Variants in GABRG3 observed in about 807,000 individuals in gnomAD.
GABRG3 encodes gamma-aminobutyric acid receptor subunit gamma-3.
A neutral mutation model predicts 48.8 loss-of-function variants in GABRG3; 25 were observed. The observed-to-expected ratio is 0.51, with a 90% CI of 0.37 to 0.72. The LOEUF is 0.72. Among genes scored for constraint, GABRG3 ranks in the 30% least tolerant of loss-of-function variants. The probability of loss-of-function intolerance (pLI) is 0.00; values close to 1 mark genes in which losing one functional copy is unlikely to be tolerated. For missense variants in GABRG3, 394 were observed against 577.9 expected (o/e 0.68, Z 3.26); for synonymous variants, 227 against 217.6 (o/e 1.04, Z -0.38).
chr15:27,466,152 A>G (rs143987668), intron 5 of GABRG3, among the ~76,000 whole-genome samples: 42 of 152,330 alleles, frequency 2.8e-4, no homozygotes, highest in African/African-American at 9.9e-4. Context: ...GAAGAAATTT[A>G]AAGAAGAGTC....
chr15:27,034,794 C>G (rs1000557038), intron 3 of GABRG3, among the ~76,000 whole-genome samples: 1 of 152,222 alleles, frequency 6.6e-6, no homozygotes, highest in Non-Finnish European at 1.5e-5. Context: ...CAGTCCTTAT[C>G]TCCCTCTGCC....
chr15:27,153,637 C>G (rs553762002), intron 3 of GABRG3, among the ~76,000 whole-genome samples: 1 of 152,204 alleles, frequency 6.6e-6, no homozygotes, highest in South Asian at 2.1e-4. Flanking sequence ...TTTAGATCTT[C>G]TTTGATTTCT....
intron 3 of GABRG3, among the ~76,000 whole-genome samples, chr15:27,092,757 A>G (rs755003599): frequency 1.3e-5 from 2 of 152,200 alleles, no homozygotes; most frequent in Admixed American, 6.5e-5. Context: ...GACCTTTGAG[A>G]TGACTTGCTC....
At chr15:27,243,067 G>A (rs1318622423) in intron 3 of GABRG3, among the ~76,000 whole-genome samples, 4 of 152,176 alleles carry the variant, frequency 2.6e-5, no homozygotes, top group South Asian at 2.1e-4. Flanking sequence ...ACGACCCGTA[G>A]CGTTTTGATC....
At chr15:27,427,289 A>G (rs552326156) in intron 5 of GABRG3, among the ~76,000 whole-genome samples, 1 of 152,320 alleles carries the variant, frequency 6.6e-6, no homozygotes, top group South Asian at 2.1e-4. Flanking sequence ...AATTTGAGGT[A>G]TATATTTTCC....
intron 3 of GABRG3, among the ~76,000 whole-genome samples, chr15:27,200,735 G>A (rs1047592699): frequency 1.3e-5 from 2 of 152,148 alleles, no homozygotes; most frequent in African/African-American, 4.8e-5. Context: ...TGCAATGATG[G>A]GTATGGTGAT....
At chr15:27,152,861 A>ATTTT (rs1187163963) in intron 3 of GABRG3, among the ~76,000 whole-genome samples, 3 of 139,022 alleles carry the variant, frequency 2.2e-5, no homozygotes, top group Non-Finnish European at 4.7e-5. Context: ...TTTCGAGTTA[A>ATTTT]TTTTTTTTTT....
In GABRG3 at chr15:27,535,155, G is replaced by C. The variant is rs955581823; in HGVS notation, c.*2274G>C. 1 of 152,204 alleles carries C rather than the reference G, an allele frequency of 6.6e-6. No homozygotes were observed. The highest frequency in any genetic ancestry group is 2.4e-5 in the African/African-American group (1 of 41,440). 9.4% of individuals were successfully genotyped at this position (152,204 alleles called of 1,614,324 possible). On this transcript the variant is annotated 3_prime_UTR_variant, in exon 10 of 10. Transcript: ENST00000615808. ...GCCAAGGGAAGGTGGCCCAAGGGCA[G>C]TCTTAAGACACAATGTCAAACGTTA...
chr15:27,139,479 C>G (rs1898066969), intron 3 of GABRG3, among the ~76,000 whole-genome samples: 1 of 152,094 alleles, frequency 6.6e-6, no homozygotes, highest in Non-Finnish European at 1.5e-5. Context: ...TTCACTGATT[C>G]AAATGCCAAT....
At chr15:27,000,214 CTG>C (rs901188273) in intron 2 of GABRG3, among the ~76,000 whole-genome samples, 8 of 152,298 alleles carry the variant, frequency 5.3e-5, no homozygotes, top group East Asian at 1.9e-4. Context: ...ATTTCAGACA[CTG>C]TGAATTTTAT....
Position 27,180,957 on chromosome 15 carries a change from T to G in GABRG3, c.271-145852T>G, listed in dbSNP as rs1305811032. ...ACCCCTCTCGCTTTGGGTGTTACGT[T>G]CAGCTGCTGAATTGTGCTGACTTCT... is the stretch of plus-strand genomic sequence containing the variant. On this transcript the variant is annotated intron_variant, in intron 3 of 9. Transcript: ENST00000615808. This position sits in a 1 kb window ranked among gnomAD's most constrained non-coding sequence, Gnocchi z 4.2. 6.6e-6 allele frequency among the ~76,000 whole-genome samples: 1 copy of G among 152,160 alleles called. No homozygotes were observed. The highest frequency in any genetic ancestry group is 1.5e-5 in the Non-Finnish European group (1 of 68,034).
At chr15:27,309,558 C>A (rs527912181) in intron 3 of GABRG3, among the ~76,000 whole-genome samples, 2 of 152,040 alleles carry the variant, frequency 1.3e-5, no homozygotes, top group African/African-American at 4.8e-5. Context: ...CAAATAGGCA[C>A]ATTAAAAGAT....
At chr15:27,019,055 C>CTTTTTTTTTTTTTTT in intron 2 of GABRG3, among the ~76,000 whole-genome samples, 1 of 42,002 alleles carries the variant, frequency 2.4e-5, no homozygotes, top group Non-Finnish European at 3.9e-5. Context: ...TCCCTAGAGT[C>CTTTTTTTTTTTTTTT]TTTTTTTTTT....
At chr15:27,052,189 T>C (rs1453258087) in intron 3 of GABRG3, among the ~76,000 whole-genome samples, 1 of 152,156 alleles carries the variant, frequency 6.6e-6, no homozygotes, top group Non-Finnish European at 1.5e-5. Flanking sequence ...AAGGATGGTG[T>C]GTTCTCTGTC....
chr15:27,520,883 GT>G (rs11319055), intron 7 of GABRG3, among the ~76,000 whole-genome samples: 93,525 of 149,550 alleles, frequency 0.63, 30,267 homozygotes, highest in African/African-American at 0.81. Flanking sequence ...ATTTCTCTGT[GT>G]TTTTTTTTTA....
At chr15:27,375,487 G>A (rs1895565082) in intron 5 of GABRG3, among the ~76,000 whole-genome samples, 1 of 152,142 alleles carries the variant, frequency 6.6e-6, no homozygotes, top group Admixed American at 6.5e-5. Context: ...ATAAGGCCTG[G>A]GGCCATGTAT....
intron 3 of GABRG3, among the ~76,000 whole-genome samples, chr15:27,184,887 TGG>T (rs1888044406): frequency 6.6e-6 from 1 of 151,900 alleles, no homozygotes; most frequent in African/African-American, 2.4e-5. Context: ...CAAGATCCTG[TGG>T]TTCACTCCTG....
At chr15:27,014,851 C>A (rs896455491) in intron 2 of GABRG3, among the ~76,000 whole-genome samples, 9 of 152,214 alleles carry the variant, frequency 5.9e-5, no homozygotes, top group Non-Finnish European at 7.4e-5. Flanking sequence ...CTTTATATAA[C>A]TGAAAGTGAG....
chr15:27,264,944 A>G (rs932901760), intron 3 of GABRG3, among the ~76,000 whole-genome samples: 4 of 152,036 alleles, frequency 2.6e-5, no homozygotes, highest in Admixed American at 6.6e-5. Flanking sequence ...AAAACAACCA[A>G]CTTCTTCAAA....
Sources: gnomAD v4.1 joint callset for allele counts (sites outside exome capture counted in the v4.1 genomes callset) on GRCh38, gnomAD v4.1.1 for gene constraint, Gnocchi (gnomAD v3.1) non-coding constraint, MANE v1.5 for transcripts, NCBI Gene and HGNC (gene_info 2026-07-23, HGNC 2026-07-21) for gene names.